Variants in SERGEF observed in about 807,000 individuals in gnomAD.
SERGEF encodes the protein secretion regulating guanine nucleotide exchange factor.
In SERGEF, 51 loss-of-function variants were observed where a neutral mutation model predicts 50.0. The observed-to-expected ratio is 1.02, with a 90% CI of 0.81 to 1.29. SERGEF has a LOEUF of 1.29. SERGEF is among the 50% of genes most tolerant of loss of function. The pLI, the probability that SERGEF is intolerant of heterozygous loss-of-function variation, is 0.00. For synonymous variants in SERGEF, 205 were observed against 212.4 expected (o/e 0.97, Z 0.30); for missense variants, 521 against 557.0 (o/e 0.94, Z 0.65).
At chr11:18,009,828 G>A (rs561336379) in intron 1 of SERGEF, among the ~76,000 whole-genome samples, 10 of 152,280 alleles carry the variant, frequency 6.6e-5, no homozygotes, top group Non-Finnish European at 1.2e-4. Flanking sequence ...AAGTAATACA[G>A]TACATATGTC....
intron 9 of SERGEF, among the ~76,000 whole-genome samples, chr11:17,936,865 A>G (rs977947873): frequency 2.0e-5 from 3 of 152,206 alleles, no homozygotes; most frequent in African/African-American, 7.2e-5. Context: ...AATTCTTGCC[A>G]TCCTAAATAT....
At chr11:17,938,373 T>C (rs1213946951) in intron 9 of SERGEF, among the ~76,000 whole-genome samples, 1 of 152,200 alleles carries the variant, frequency 6.6e-6, no homozygotes, top group Non-Finnish European at 1.5e-5. Flanking sequence ...CCTATATCCC[T>C]GCAAGCACCT....
At chr11:17,977,380 G>A (rs1475588701) in intron 8 of SERGEF, among the ~76,000 whole-genome samples, 1 of 152,100 alleles carries the variant, frequency 6.6e-6, no homozygotes, top group Non-Finnish European at 1.5e-5. Context: ...GAGCATTCCT[G>A]GAAGAAAGAA....
At chr11:17,927,331 T>A (rs1034751852) in intron 9 of SERGEF, among the ~76,000 whole-genome samples, 2 of 152,146 alleles carry the variant, frequency 1.3e-5, no homozygotes, top group Non-Finnish European at 2.9e-5. Flanking sequence ...CTGCTTAAGA[T>A]CCCGTGGTAA....
At chr11:17,837,056 T>C (rs1232255187) in intron 10 of SERGEF, among the ~76,000 whole-genome samples, 1 of 152,180 alleles carries the variant, frequency 6.6e-6, no homozygotes, top group African/African-American at 2.4e-5. Context: ...CTAGCCGCTA[T>C]CTATAGTCCC....
chr11:17,944,723 G>A (rs1215577546), intron 9 of SERGEF, among the ~76,000 whole-genome samples: 1 of 152,182 alleles, frequency 6.6e-6, no homozygotes, highest in African/African-American at 2.4e-5. Context: ...GATCCCGCAT[G>A]AAAAACCCGC....
chr11:17,884,221 T>C lies in SERGEF; in HGVS notation c.1012-5977A>G, dbSNP rs1012279194. Among the ~76,000 whole-genome samples the C allele has an allele frequency of 1.3e-5, 2 of 152,128 alleles. No homozygotes were observed. The highest frequency in any genetic ancestry group is 2.9e-5 in the Non-Finnish European group (2 of 68,006). On this transcript the variant is annotated intron_variant, in intron 9 of 10. Coordinates refer to ENST00000265965, the MANE Select transcript of SERGEF (RefSeq NM_012139.4). The surrounding 1 kb of genome is among the most constrained non-coding windows in gnomAD (Gnocchi z 4.6). ...AACGAGGCGTACGTGCGGAAACACATGATGGCCAGGGTGGAAGGGGAGTAA... is the reference window on the plus strand; with the variant it reads ...AACGAGGCGTACGTGCGGAAACACACGATGGCCAGGGTGGAAGGGGAGTAA...
At chr11:17,988,506 TA>T in intron 8 of SERGEF, 90 bp downstream of exon 8, 3 of 1,261,272 alleles carry the variant, frequency 2.4e-6, no homozygotes, top group South Asian at 2.9e-5. Flanking sequence ...CTTTCATCAG[TA>T]AAAAGGCTTA....
At chr11:17,904,378 A>C (rs191422408) in intron 9 of SERGEF, among the ~76,000 whole-genome samples, 2 of 152,366 alleles carry the variant, frequency 1.3e-5, no homozygotes, top group East Asian at 1.9e-4. Flanking sequence ...GATCCTGGAA[A>C]GACTACCCAG....
intron 10 of SERGEF, among the ~76,000 whole-genome samples, chr11:17,814,342 G>A (rs1849927501): frequency 6.6e-6 from 1 of 152,212 alleles, no homozygotes; most frequent in Middle Eastern, 3.2e-3. Flanking sequence ...TCTCCAGACT[G>A]CAACAGAGAA....
intron 9 of SERGEF, among the ~76,000 whole-genome samples, chr11:17,892,234 A>C (rs748050291): frequency 5.3e-4 from 81 of 152,242 alleles, no homozygotes; most frequent in Non-Finnish European, 4.3e-4. Flanking sequence ...TCCCATTCAG[A>C]GACAGTTTAC....
At chr11:17,814,153 C>G (rs1293868447) in intron 10 of SERGEF, among the ~76,000 whole-genome samples, 1 of 152,198 alleles carries the variant, frequency 6.6e-6, no homozygotes, top group Non-Finnish European at 1.5e-5. Context: ...ATTATGGAAA[C>G]CAGTTGTTTG....
intron 10 of SERGEF, among the ~76,000 whole-genome samples, chr11:17,830,494 C>T (rs769441808): frequency 2.0e-5 from 3 of 151,712 alleles, no homozygotes; most frequent in African/African-American, 7.3e-5. Context: ...CTGGTGAGGG[C>T]CTTCCTGATG....
intron 8 of SERGEF, among the ~76,000 whole-genome samples, chr11:17,984,990 T>TA: frequency 6.6e-6 from 1 of 152,204 alleles, no homozygotes; most frequent in East Asian, 1.9e-4. Context: ...TTTTAATAGG[T>TA]AATATTACAA....
At position 18,006,636 on chromosome 11, in the gene SERGEF, T is replaced by C. The variant is rs1178851677; in HGVS notation, c.307A>G (p.Ile103Val). 6.2e-7 allele frequency: 1 copy of C among 1,614,006 alleles called. No individual in the cohort carries two copies. Among genetic ancestry groups the C allele is most frequent in the Non-Finnish European group, 8.5e-7 (1 of 1,180,004 alleles). ...TPCKSLFGCP[I>V]QQVACGWDFT... Reference sequence around the variant, plus strand: ...TCCCAGCCACAGGCCACCTGTTGGATGGGACAGCCAAAGAGGGATTTGCAG... The same window carrying C: ...TCCCAGCCACAGGCCACCTGTTGGACGGGACAGCCAAAGAGGGATTTGCAG... Residue 103 changes from isoleucine to valine, a missense_variant, in exon 3 of 11, where the codon ATC becomes GTC. Ile to Val is a conservative substitution (Grantham distance 29). Transcript: ENST00000265965.
chr11:17,850,860 G>A (rs1360775011), intron 10 of SERGEF, among the ~76,000 whole-genome samples: 5 of 152,126 alleles, frequency 3.3e-5, no homozygotes, highest in Non-Finnish European at 5.9e-5. Flanking sequence ...CCACCAGGGG[G>A]GCAATTGTAA....
chr11:17,932,991 A>G (rs1456146541), intron 9 of SERGEF, among the ~76,000 whole-genome samples: 1 of 152,228 alleles, frequency 6.6e-6, no homozygotes, highest in East Asian at 1.9e-4. Flanking sequence ...TTAAAATAAT[A>G]CATTTGATTT....
At chr11:17,790,268 G>T (rs1389225878) in intron 10 of SERGEF, among the ~76,000 whole-genome samples, 1 of 151,996 alleles carries the variant, frequency 6.6e-6, no homozygotes, top group Non-Finnish European at 1.5e-5. Flanking sequence ...TTTCTACATA[G>T]ATGTGTCCTT....
At chr11:17,905,642 G>A (rs510655) in intron 9 of SERGEF, among the ~76,000 whole-genome samples, 4,690 of 152,242 alleles carry the variant, frequency 0.031, 215 homozygotes, top group African/African-American at 0.11. Context: ...TCACATGACA[G>A]GAGTCAGAGG....
Sources: allele counts gnomAD v4.1 joint callset (sites outside exome capture counted in the v4.1 genomes callset), GRCh38; gene constraint gnomAD v4.1.1; non-coding constraint Gnocchi (gnomAD v3.1); transcripts MANE v1.5; gene names NCBI Gene and HGNC (gene_info 2026-07-23, HGNC 2026-07-21).